GPR158: variants seen among roughly 807,000 people sequenced by gnomAD.
GPR158 encodes G protein-coupled receptor 158.
GPR158 carries 30 observed loss-of-function variants against 78.2 expected under a neutral mutation model. That is an observed-to-expected ratio of 0.38 (90% CI 0.29 to 0.52). The LOEUF is 0.52. GPR158 is among the 20% of genes least tolerant of loss of function. The pLI, the probability that GPR158 is intolerant of heterozygous loss-of-function variation, is 0.83. For missense variants in GPR158, 1,463 were observed against 1,523.5 expected (o/e 0.96, Z 0.66); for synonymous variants, 581 against 591.1 (o/e 0.98, Z 0.25).
chr10:25,272,861 C>T (rs1854135331), intron 2 of GPR158, among the ~76,000 whole-genome samples: 2 of 152,158 alleles, frequency 1.3e-5, no homozygotes, highest in Non-Finnish European at 2.9e-5. Context: ...ATGTACTAGA[C>T]TTCTAAAATT....
chr10:25,400,804 T>TTCAGCC (rs1316761199), intron 3 of GPR158, among the ~76,000 whole-genome samples: 1 of 152,196 alleles, frequency 6.6e-6, no homozygotes, highest in African/African-American at 2.4e-5. Context: ...TTGGATTGAC[T>TTCAGCC]TCAGCCTGTG....
chr10:25,328,927 C>CAAAAAAAAAAA (rs3054026), intron 2 of GPR158, among the ~76,000 whole-genome samples: 3 of 89,108 alleles, frequency 3.4e-5, no homozygotes, highest in African/African-American at 1.1e-4. Flanking sequence ...AACTTCATCA[C>CAAAAAAAAAAA]AAAAAAAAAA....
At chr10:25,441,234 G>T (rs1434940907) in intron 4 of GPR158, among the ~76,000 whole-genome samples, 2 of 152,130 alleles carry the variant, frequency 1.3e-5, no homozygotes, top group African/African-American at 4.8e-5. Context: ...CAGAAGTCAT[G>T]GTTCTGGTGC....
chr10:25,590,021 G>A (rs930529003), intron 8 of GPR158, among the ~76,000 whole-genome samples: 5 of 152,052 alleles, frequency 3.3e-5, no homozygotes, highest in African/African-American at 1.2e-4. Context: ...CCTTTCTTTA[G>A]TTTCAATTCC....
At chr10:25,473,630 G>A (rs1835540891) in intron 5 of GPR158, among the ~76,000 whole-genome samples, 1 of 152,042 alleles carries the variant, frequency 6.6e-6, no homozygotes, top group African/African-American at 2.4e-5. Flanking sequence ...CTCAATTTCA[G>A]AGCCTGTTAT....
chr10:25,207,347 GT>G (rs1030106311), intron 1 of GPR158, among the ~76,000 whole-genome samples: 15 of 152,078 alleles, frequency 9.9e-5, no homozygotes, highest in African/African-American at 3.6e-4. Flanking sequence ...CTATTAATCT[GT>G]TTCCCCCCTT....
chr10:25,317,697 T>A (rs1208540911), intron 2 of GPR158, among the ~76,000 whole-genome samples: 1 of 151,880 alleles, frequency 6.6e-6, no homozygotes, highest in African/African-American at 2.4e-5. Flanking sequence ...ATTCTTAAAT[T>A]CTGTTTTCTT....
intron 2 of GPR158, among the ~76,000 whole-genome samples, chr10:25,255,366 A>G: frequency 6.6e-6 from 1 of 152,246 alleles, no homozygotes; most frequent in African/African-American, 2.4e-5. Flanking sequence ...ATAAACTACA[A>G]CAAAGTTCAT....
chr10:25,448,327 T>A (rs1055402937), intron 4 of GPR158, among the ~76,000 whole-genome samples: 12 of 152,150 alleles, frequency 7.9e-5, no homozygotes, highest in Non-Finnish European at 1.6e-4. Flanking sequence ...TCTGACCTCA[T>A]GATCTGCCCA....
intron 4 of GPR158, among the ~76,000 whole-genome samples, chr10:25,464,165 T>G (rs1253949116): frequency 6.6e-6 from 1 of 152,184 alleles, no homozygotes. Flanking sequence ...ATTCAACAAT[T>G]ACAAATGAAA....
At chr10:25,405,498 C>CTT (rs59695469) in intron 3 of GPR158, among the ~76,000 whole-genome samples, 585 of 45,550 alleles carry the variant, frequency 0.013, 119 homozygotes, top group African/African-American at 0.019. Context: ...AAACAATTTC[C>CTT]TTTTTTTTTT....
At chr10:25,356,973 C>A (rs1451589892) in intron 2 of GPR158, among the ~76,000 whole-genome samples, 1 of 152,002 alleles carries the variant, frequency 6.6e-6, no homozygotes, top group Non-Finnish European at 1.5e-5. Flanking sequence ...GACCAAAATG[C>A]TAATAATGAT....
At chr10:25,241,305 T>TC (rs1305016409) in intron 2 of GPR158, among the ~76,000 whole-genome samples, 20 of 134,570 alleles carry the variant, frequency 1.5e-4, no homozygotes, top group African/African-American at 4.4e-4. Context: ...TTTTCTTTTC[T>TC]TTTCTTTTCT....
intron 5 of GPR158, among the ~76,000 whole-genome samples, chr10:25,533,844 T>C (rs1836456526): frequency 1.3e-5 from 2 of 152,162 alleles, no homozygotes; most frequent in South Asian, 4.1e-4. Context: ...CAGCTGAGTT[T>C]AAACCCAGCT....
At chr10:25,196,904 G>A (rs560880171) in intron 1 of GPR158, among the ~76,000 whole-genome samples, 11 of 152,272 alleles carry the variant, frequency 7.2e-5, no homozygotes, top group African/African-American at 2.6e-4. Flanking sequence ...CCTGATGCCT[G>A]CCAACTATGG....
At chr10:25,264,759 A>T (rs1451916982) in intron 2 of GPR158, among the ~76,000 whole-genome samples, 1 of 152,194 alleles carries the variant, frequency 6.6e-6, no homozygotes, top group East Asian at 1.9e-4. Flanking sequence ...TATCTTGCAG[A>T]TCCTTCATAT....
intron 1 of GPR158, among the ~76,000 whole-genome samples, chr10:25,194,035 A>G (rs911036357): frequency 6.6e-6 from 1 of 152,240 alleles, no homozygotes; most frequent in African/African-American, 2.4e-5. Flanking sequence ...GGGTCAATTC[A>G]TGGCTCAACA....
chr10:25,413,205 G>T (rs868390760), intron 4 of GPR158, among the ~76,000 whole-genome samples: 1 of 152,184 alleles, frequency 6.6e-6, no homozygotes, highest in Non-Finnish European at 1.5e-5. Context: ...GGTGGTGCAT[G>T]CCTATAGTCC....
chr10:25,263,015 G>A (rs1853989871), intron 2 of GPR158, among the ~76,000 whole-genome samples: 1 of 152,024 alleles, frequency 6.6e-6, no homozygotes. Context: ...TTATTTTCTT[G>A]ATGTTGTCTT....
Sources: allele counts gnomAD v4.1 joint callset (sites outside exome capture counted in the v4.1 genomes callset), GRCh38; gene constraint gnomAD v4.1.1; transcripts MANE v1.5; gene names NCBI Gene and HGNC (gene_info 2026-07-23, HGNC 2026-07-21).